Variants in AFG1L observed in about 807,000 individuals in gnomAD.
AFG1L encodes the protein AFG1 like ATPase, also known as AFG1-like ATPase.
A neutral mutation model predicts 62.2 loss-of-function variants in AFG1L; 53 were observed. The ratio of observed to expected loss-of-function variants is 0.85; its 90% CI spans 0.68 to 1.07. AFG1L has a LOEUF of 1.07. Ranked by LOEUF, AFG1L falls within the 50% of genes least tolerant of loss-of-function variation. The pLI is 0.00. For synonymous variants in AFG1L, 228 were observed against 210.3 expected, an observed-to-expected ratio of 1.08 and a Z score of -0.73; for missense variants, 555 against 590.5, an observed-to-expected ratio of 0.94 and a Z score of 0.62.
intron 7 of AFG1L, among the ~76,000 whole-genome samples, chr6:108,410,772 G>A (rs1047871352): frequency 2.0e-5 from 3 of 152,110 alleles, no homozygotes; most frequent in African/African-American, 4.8e-5. Flanking sequence ...CTGTAATTGA[G>A]TTAACTAAAG....
chr6:108,501,071 G>A (rs1030019858), intron 10 of AFG1L, among the ~76,000 whole-genome samples: 17 of 151,840 alleles, frequency 1.1e-4, no homozygotes, highest in South Asian at 2.1e-4. Flanking sequence ...TCCGCTCACC[G>A]CAACCTCTGC....
intron 2 of AFG1L, among the ~76,000 whole-genome samples, chr6:108,337,368 T>C (rs1352496627): frequency 6.6e-6 from 1 of 152,224 alleles, no homozygotes; most frequent in Non-Finnish European, 1.5e-5. Context: ...CATGTGAGCA[T>C]TGTGTGTTCA....
intron 10 of AFG1L, among the ~76,000 whole-genome samples, chr6:108,496,462 G>A (rs1562195938): frequency 1.3e-5 from 2 of 152,178 alleles, no homozygotes; most frequent in South Asian, 2.1e-4. Flanking sequence ...GTACAATGAC[G>A]TAAATGAGTG....
chr6:108,374,491 T>C (rs1159090219), intron 6 of AFG1L, among the ~76,000 whole-genome samples: 1 of 152,242 alleles, frequency 6.6e-6, no homozygotes, highest in African/African-American at 2.4e-5. Flanking sequence ...AAATCTTTGA[T>C]TCATCTTGAG....
intron 7 of AFG1L, among the ~76,000 whole-genome samples, chr6:108,422,837 T>A (rs892997434): frequency 3.9e-5 from 6 of 152,014 alleles, no homozygotes; most frequent in Admixed American, 2.6e-4. Context: ...TGCTTTAGAG[T>A]AGTTTTACTA....
At chr6:108,402,649 T>C (rs1038261742) in intron 7 of AFG1L, among the ~76,000 whole-genome samples, 1 of 152,106 alleles carries the variant, frequency 6.6e-6, no homozygotes, top group Admixed American at 6.5e-5. Context: ...AAACATTGAA[T>C]AGTTTGCATT....
At chr6:108,461,780 T>C (rs1454372908) in intron 8 of AFG1L, among the ~76,000 whole-genome samples, 1 of 151,752 alleles carries the variant, frequency 6.6e-6, no homozygotes, top group Non-Finnish European at 1.5e-5. Flanking sequence ...TTTTAAAAAA[T>C]TGTTTTATGT....
chr6:108,422,868 G>A (rs914902319), intron 7 of AFG1L, among the ~76,000 whole-genome samples: 2 of 152,008 alleles, frequency 1.3e-5, no homozygotes, highest in African/African-American at 4.8e-5. Flanking sequence ...ATTCTGGATA[G>A]ACTTCTTTCA....
chr6:108,385,545 C>T (rs528283508), intron 6 of AFG1L, among the ~76,000 whole-genome samples: 4 of 152,194 alleles, frequency 2.6e-5, no homozygotes, highest in Non-Finnish European at 4.4e-5. Context: ...GGCTTGCTGT[C>T]AATAAATATG....
chr6:108,313,506 G>C (rs1777485721), intron 1 of AFG1L, among the ~76,000 whole-genome samples: 1 of 151,988 alleles, frequency 6.6e-6, no homozygotes, highest in Non-Finnish European at 1.5e-5. Context: ...CTAACTCCCT[G>C]GCCCAAATCA....
chr6:108,322,474 T>C (rs960241283), intron 1 of AFG1L, among the ~76,000 whole-genome samples: 6 of 152,166 alleles, frequency 3.9e-5, no homozygotes, highest in Admixed American at 2.0e-4. Context: ...CATATCCCAT[T>C]GTTAGAACCT....
At chr6:108,329,523 T>C (rs369510551) in intron 2 of AFG1L, among the ~76,000 whole-genome samples, 7 of 149,980 alleles carry the variant, frequency 4.7e-5, no homozygotes, top group African/African-American at 1.7e-4. Context: ...GTTCTCGAAC[T>C]CCTGACCTCA....
chr6:108,395,573 T>C (rs1216613785), intron 6 of AFG1L, among the ~76,000 whole-genome samples: 1 of 151,958 alleles, frequency 6.6e-6, no homozygotes, highest in South Asian at 2.1e-4. Context: ...GGCTAATTTT[T>C]CTATTTTTTG....
chr6:108,522,645 A>G lies in AFG1L; in HGVS notation c.*220A>G, dbSNP rs1015337106. On this transcript the variant is annotated 3_prime_UTR_variant, in exon 13 of 13. Transcript: ENST00000368977. ...TCTTATTTGGCCTTATTTCTGCACC[A>G]TGAAATTAAAATCATCTCATTCCTG... 8.7e-6 allele frequency: 3 copies of G among 343,960 alleles called. No individual in the cohort carries two copies. The highest frequency in any genetic ancestry group is 1.6e-5 in the Non-Finnish European group (3 of 189,036). 21.3% of individuals were successfully genotyped at this position (343,960 alleles called of 1,614,324 possible). A position where few individuals can be genotyped will look rare whatever the true frequency, so the allele number is the denominator to read the frequency against.
At position 108,457,581 on chromosome 6, in the gene AFG1L, A is replaced by G. The variant is rs569709485; in HGVS notation, c.890+10285A>G. On this transcript the variant is annotated intron_variant, in intron 8 of 12. Transcript: ENST00000368977. ...ATTATCTTTTTAGGTTATAAACTCCATAATACATTGTCATTACTTTTGCTT... is the reference window on the plus strand; with the variant it reads ...ATTATCTTTTTAGGTTATAAACTCCGTAATACATTGTCATTACTTTTGCTT... Among the ~76,000 whole-genome samples the G allele has an allele frequency of 1.3e-5, 2 of 152,034 alleles. 1 individual carries two copies. Among genetic ancestry groups the G allele is most frequent in the South Asian group, 4.1e-4 (2 of 4,826 alleles).
chr6:108,490,659 T>C (rs868681470), intron 10 of AFG1L, among the ~76,000 whole-genome samples: 1 of 152,238 alleles, frequency 6.6e-6, no homozygotes, highest in Non-Finnish European at 1.5e-5. Context: ...AATAGTTACA[T>C]AGTCACATCA....
At chr6:108,422,773 C>T (rs1183424061) in intron 7 of AFG1L, among the ~76,000 whole-genome samples, 1 of 151,952 alleles carries the variant, frequency 6.6e-6, no homozygotes, top group Non-Finnish European at 1.5e-5. Context: ...AGTAGTCATC[C>T]ATGATCCATT....
chr6:108,308,956 C>T (rs751094575), intron 1 of AFG1L, among the ~76,000 whole-genome samples: 1 of 152,170 alleles, frequency 6.6e-6, no homozygotes, highest in Non-Finnish European at 1.5e-5. Flanking sequence ...ATCTGCCCAC[C>T]TCAGCCTCCC....
intron 6 of AFG1L, among the ~76,000 whole-genome samples, chr6:108,370,626 A>G (rs1214332233): frequency 6.6e-6 from 1 of 152,096 alleles, no homozygotes; most frequent in Non-Finnish European, 1.5e-5. Flanking sequence ...AGAGAAGGAT[A>G]GATTTGAGAG....
Sources: allele counts gnomAD v4.1 joint callset (sites outside exome capture counted in the v4.1 genomes callset), GRCh38; gene constraint gnomAD v4.1.1; transcripts MANE v1.5; gene names NCBI Gene and HGNC (gene_info 2026-07-23, HGNC 2026-07-21).